Variants in ANKRD16 observed in about 807,000 individuals in gnomAD.
The protein encoded by ANKRD16 is ankyrin repeat domain 16.
Under a neutral mutation model 37.9 loss-of-function variants are expected in ANKRD16, and 35 were observed. That is an observed-to-expected ratio of 0.92 (90% CI 0.71 to 1.23). The LOEUF is 1.23. ANKRD16 is among the 50% of genes most tolerant of loss of function. The probability of loss-of-function intolerance (pLI) is 0.00; values close to 1 mark genes in which losing one functional copy is unlikely to be tolerated. For synonymous variants in ANKRD16, 206 were observed against 197.2 expected (o/e 1.04, Z -0.37); for missense variants, 480 against 469.9 (o/e 1.02, Z -0.20).
rs113928678 is a variant in ANKRD16, at chr10:5,863,298, C to T, written c.*34-607G>A. Among the ~76,000 whole-genome samples, 1,143 of 152,006 alleles carry T rather than the reference C, an allele frequency of 7.5e-3. 22 individuals are homozygous for T. Among genetic ancestry groups the T allele is most frequent in the African/African-American group, 0.026 (1,086 of 41,436 alleles). On this transcript the variant is annotated intron_variant, in intron 7 of 7. Transcript: ENST00000380094. This position sits in a 1 kb window ranked among gnomAD's most constrained non-coding sequence, Gnocchi z 4.7. Reference sequence around the variant, plus strand: ...CTGAGGTGAATGTTACTGTGCTGTACGCTCACAAAGTTAGAGGGCAGAGCT... The same window carrying T: ...CTGAGGTGAATGTTACTGTGCTGTATGCTCACAAAGTTAGAGGGCAGAGCT...
chr10:5,881,987 G>A (rs371270095), intron 5 of ANKRD16, among the ~76,000 whole-genome samples: 2 of 151,134 alleles, frequency 1.3e-5, no homozygotes, highest in African/African-American at 2.4e-5. Context: ...GCGCCTGGCC[G>A]GTCTCGATCT....
intron 7 of ANKRD16, 127 bp downstream of exon 7, chr10:5,877,970 T>C (rs759012379): frequency 8.8e-6 from 9 of 1,025,942 alleles, no homozygotes; most frequent in Non-Finnish European, 1.3e-5. Flanking sequence ...CCCTGATCAC[T>C]GGGAACTCCT....
In ANKRD16 at chr10:5,864,212, G is replaced by A. The variant is rs1296971729; in HGVS notation, c.*34-1521C>T. 6.6e-6 allele frequency among the ~76,000 whole-genome samples: 1 copy of A among 152,038 alleles called. No individual in the cohort carries two copies. Among genetic ancestry groups the A allele is most frequent in the Non-Finnish European group, 1.5e-5 (1 of 68,030 alleles). On this transcript the variant is annotated intron_variant, in intron 7 of 7. Transcript: ENST00000380094. This position sits in a 1 kb window ranked among gnomAD's most constrained non-coding sequence, Gnocchi z 4.4. ...AAAGCTTACAACTTACATCCCACAG[G>A]AGGACTTCTCAGCTTACCCCCAGAT...
rs1228398003 is a variant in ANKRD16 at position 5,871,628 on chromosome 10, C to G, written c.*33+6469G>C. On this transcript the variant is annotated intron_variant, in intron 7 of 7. Coordinates refer to ENST00000380094, the MANE Select transcript of ANKRD16 (RefSeq NM_019046.3). This position sits in a 1 kb window ranked among gnomAD's most constrained non-coding sequence, Gnocchi z 4.5. ...TGAACTTTTCTTCCTTCTTGCCCTTCTTCTTTCCTTCATGCCTCTGAGAAG... is the reference window on the plus strand; with the variant it reads ...TGAACTTTTCTTCCTTCTTGCCCTTGTTCTTTCCTTCATGCCTCTGAGAAG... Among the ~76,000 whole-genome samples the G allele has an allele frequency of 6.6e-6, 1 of 152,082 alleles. No homozygotes were observed. The highest frequency in any genetic ancestry group is 1.5e-5 in the Non-Finnish European group (1 of 68,016).
chr10:5,883,149 C>A lies in ANKRD16; in HGVS notation c.706G>T (p.Asp236Tyr). 6.2e-7 allele frequency: 1 copy of A among 1,613,852 alleles called. No individual in the cohort carries two copies. The highest frequency in any genetic ancestry group is 1.3e-5 in the African/African-American group (1 of 75,056). ...DEHGACLSAE[D>Y]SLGAQALHRA... ...TGCAGAGCCTGGGCACCCAGGCTGT[C>A]TTCTGCTGAAAGGCAAGCCTAGTGG... Residue 236 changes from aspartate (D) to tyrosine (Y), a missense_variant, in exon 5 of 8, where the codon GAC becomes TAC. By Grantham distance (160) the Asp-to-Tyr change is radical (BLOSUM62 -3). Coordinates refer to ENST00000380094, the MANE Select transcript of ANKRD16 (RefSeq NM_019046.3).
chr10:5,873,589 C>A (rs1842137306), intron 7 of ANKRD16, among the ~76,000 whole-genome samples: 1 of 152,176 alleles, frequency 6.6e-6, no homozygotes, highest in South Asian at 2.1e-4. Flanking sequence ...ATAGGCCTTA[C>A]AAACAAAAGT....
At chr10:5,882,468 AAAAC>A (rs1197468766) in intron 5 of ANKRD16, among the ~76,000 whole-genome samples, 13 of 150,636 alleles carry the variant, frequency 8.6e-5, no homozygotes, top group Admixed American at 2.0e-4. Context: ...AACAAAAACA[AAAAC>A]AAACAAACAA....
chr10:5,876,375 G>A (rs1051815391), intron 7 of ANKRD16, among the ~76,000 whole-genome samples: 4 of 152,220 alleles, frequency 2.6e-5, no homozygotes, highest in Admixed American at 1.3e-4. Flanking sequence ...GAAGCTGATC[G>A]TGCACGCAGC....
Position 5,864,344 on chromosome 10 carries a change from C to T in ANKRD16, c.*34-1653G>A, listed in dbSNP as rs7098938. ...CTCCAAGGGACCACAACCTCCCCCC[C>T]ACCCCTGCTATCGGTTATGTCCTTT... On this transcript the variant is annotated intron_variant, in intron 7 of 7. Coordinates refer to ENST00000380094, the MANE Select transcript of ANKRD16 (RefSeq NM_019046.3). The surrounding 1 kb of genome is among the most constrained non-coding windows in gnomAD (Gnocchi z 4.4). Among the ~76,000 whole-genome samples, 24 of 152,206 alleles carry T rather than the reference C, an allele frequency of 1.6e-4. No homozygotes were observed. The highest frequency in any genetic ancestry group is 6.8e-3 in the Middle Eastern group (2 of 294).
chr10:5,889,254 C>G lies in ANKRD16; in HGVS notation c.101G>C (p.Gly34Ala). 1.3e-6 allele frequency: 2 copies of G among 1,505,906 alleles called. No individual in the cohort carries two copies. The highest frequency in any genetic ancestry group is 1.8e-6 in the Non-Finnish European group (2 of 1,136,248). 93.3% of individuals were successfully genotyped at this position (1,505,906 alleles called of 1,614,324 possible). A position where few individuals can be genotyped will look rare whatever the true frequency, so the allele number is the denominator to read the frequency against. The change falls in exon 1 of 8, where the codon GGG becomes GCG. Residue 34 changes from glycine (G) to alanine (A), a missense_variant. Transcript: ENST00000380094. ...EELQAAGGCP[G>A]PAGDTLLHCA... ...GTGCAGGAGGGTATCCCCGGCCGGC[C>G]CCGGGCAGCCCCCGGCCGCCTGCAG...
chr10:5,872,690 A>G (rs4581347), intron 7 of ANKRD16, among the ~76,000 whole-genome samples: 85,350 of 149,464 alleles, frequency 0.57, 24,936 homozygotes, highest in East Asian at 0.81. Context: ...TCGAGTAGCT[A>G]GGACTACAGG....
intron 1 of ANKRD16, 102 bp from the exon 2 acceptor site, chr10:5,888,169 C>T: frequency 9.0e-7 from 1 of 1,112,244 alleles, no homozygotes; most frequent in Non-Finnish European, 1.3e-6. Context: ...AGATGGAAAA[C>T]CTAGAGGATT....
chr10:5,885,622 T>G (rs1842409791), intron 3 of ANKRD16, 101 bp downstream of exon 3: 1 of 1,314,932 alleles, frequency 7.6e-7, no homozygotes, highest in African/African-American at 1.5e-5. Flanking sequence ...GAAAGCCTAA[T>G]TTTTTTCTTA....
chr10:5,888,921 T>G, intron 1 of ANKRD16, 120 bp downstream of exon 1: 3 of 1,149,580 alleles, frequency 2.6e-6, no homozygotes, highest in Non-Finnish European at 1.2e-6. Context: ...TGAGCAGGCC[T>G]GGGGTGAGAA....
Position 5,869,902 on chromosome 10 carries a change from A to C in ANKRD16, c.*34-7211T>G, listed in dbSNP as rs142829749. 2.1e-3 allele frequency among the ~76,000 whole-genome samples: 324 copies of C among 152,138 alleles called. No homozygotes were observed. Among genetic ancestry groups the C allele is most frequent in the African/African-American group, 7.5e-3 (312 of 41,488 alleles). On this transcript the variant is annotated intron_variant, in intron 7 of 7. Transcript: ENST00000380094. The surrounding 1 kb of genome is among the most constrained non-coding windows in gnomAD (Gnocchi z 4.0). ...CGTGATGCTGAGGTCTGCAGTAAGG[A>C]TCGCATCACTTAGCATGGTATCCAG...
chr10:5,886,028 C>T (rs1174416817), intron 2 of ANKRD16, among the ~76,000 whole-genome samples: 1 of 152,208 alleles, frequency 6.6e-6, no homozygotes, highest in African/African-American at 2.4e-5. Context: ...AACTTTCAAT[C>T]CTAAAGTTAC....
At position 5,878,095 on chromosome 10, in the gene ANKRD16, A is replaced by G. The variant is rs1487883224; in HGVS notation, c.*33+2T>C. On this transcript the variant is annotated splice_donor_variant, in intron 7 of 7. Coordinates refer to ENST00000380094, the MANE Select transcript of ANKRD16 (RefSeq NM_019046.3). LOFTEE classifies it low-confidence loss of function (3UTR_SPLICE). The surrounding 1 kb of genome is among the most constrained non-coding windows in gnomAD (Gnocchi z 5.1). ...TGACTTAAGAAGCAGGATATGAATT[A>G]CCATGCACTTTATTGCCTCCTCTTG... 27 of 1,601,544 alleles carry G rather than the reference A, an allele frequency of 1.7e-5. No homozygotes were observed. The highest frequency in any genetic ancestry group is 5.4e-5 in the African/African-American group (4 of 74,518).
At position 5,862,655 on chromosome 10, in the gene ANKRD16, A is replaced by G. The variant is rs1267012991; in HGVS notation, c.*70T>C. On this transcript the variant is annotated 3_prime_UTR_variant, in exon 8 of 8. Transcript: ENST00000380094. The surrounding 1 kb of genome is among the most constrained non-coding windows in gnomAD (Gnocchi z 6.5). The stretch of plus-strand genomic sequence containing the variant: ...AGCAAGTTGCACTTGGCTTTCTCTG[A>G]GCCGAAAAACGAAAGGTGCTCAGGC... 6 of 1,289,520 alleles carry G rather than the reference A, an allele frequency of 4.7e-6. No individual in the cohort carries two copies. The Admixed American group carries it at 1.1e-4, about 25-fold the overall frequency. 79.9% of individuals were successfully genotyped at this position (1,289,520 alleles called of 1,614,324 possible).
In ANKRD16 at chr10:5,883,028, G is replaced by C. The variant is rs1842345263; in HGVS notation, c.827C>G (p.Thr276Arg). 1 of 1,613,714 alleles carries C rather than the reference G, an allele frequency of 6.2e-7. No individual in the cohort carries two copies. The highest frequency in any genetic ancestry group is 1.1e-5 in the South Asian group (1 of 91,094). The change falls in exon 5 of 8, where the codon ACA becomes AGA. Residue 276 changes from threonine to arginine, a missense_variant. Transcript: ENST00000380094. ...VDVRATSTHL[T>R]ALHYAAKEGH... is the part of the protein sequence containing the mutation. ...AACCTTAGCTGCATAATGAAGTGCT[G>C]TGAGGTGGGTTGATGTGGCTCTCAC...
Sources: allele counts gnomAD v4.1 joint callset (sites outside exome capture counted in the v4.1 genomes callset), GRCh38; gene constraint gnomAD v4.1.1; non-coding constraint Gnocchi (gnomAD v3.1); transcripts MANE v1.5; gene names NCBI Gene and HGNC (gene_info 2026-07-23, HGNC 2026-07-21).